The following RPS6KA2 variants were observed in gnomAD, a reference collection of about 807,000 sequenced individuals.
RPS6KA2 encodes the protein ribosomal protein S6 kinase alpha-2.
Under a neutral mutation model 91.8 loss-of-function variants are expected in RPS6KA2, and 42 were observed. That is an observed-to-expected ratio of 0.46 (90% CI 0.36 to 0.59). RPS6KA2 has a LOEUF of 0.59. Among genes scored for constraint, RPS6KA2 ranks in the 20% least tolerant of loss-of-function variants. The pLI, the probability that RPS6KA2 is intolerant of heterozygous loss-of-function variation, is 0.00. For missense variants in RPS6KA2, 798 were observed against 978.5 expected, an observed-to-expected ratio of 0.82 and a Z score of 2.46; for synonymous variants, 414 against 393.6, an observed-to-expected ratio of 1.05 and a Z score of -0.61.
Position 166,469,841 on chromosome 6 carries a change from G to T in RPS6KA2, c.972C>A (p.Asn324Lys). The T allele has an allele frequency of 1.2e-6, 2 of 1,613,812 alleles. No homozygotes were observed. Among genetic ancestry groups the T allele is most frequent in the South Asian group, 1.1e-5 (1 of 91,082 alleles). The change falls in exon 11 of 21, where the codon AAC becomes AAA. Residue 324 changes from asparagine (N) to lysine (K), a missense_variant and splice_region_variant. Transcript: ENST00000265678. The part of the protein sequence containing the change: ...RHPFFVTIDW[N>K]TLYRKEIKPP... ...GTGGGGACTGTGGCATGCAACTTAC[G>T]TTCCAGTCTATGGTCACAAAGAAGG...
chr6:166,620,027 T>G (rs1002720691), intron 1 of RPS6KA2, among the ~76,000 whole-genome samples: 1 of 152,214 alleles, frequency 6.6e-6, no homozygotes, highest in Non-Finnish European at 1.5e-5. Flanking sequence ...TGGCAGGATG[T>G]GTGGCCAAGA....
chr6:166,705,267 C>T (rs1384300839), intron 2 of RPS6KA2, among the ~76,000 whole-genome samples: 1 of 152,220 alleles, frequency 6.6e-6, no homozygotes, highest in Non-Finnish European at 1.5e-5. Context: ...CCCAATCTAT[C>T]ATCATGTCCC....
At chr6:166,819,212 A>G (rs2128622661) in intron 2 of RPS6KA2, among the ~76,000 whole-genome samples, 1 of 152,256 alleles carries the variant, frequency 6.6e-6, no homozygotes, top group African/African-American at 2.4e-5. Flanking sequence ...CTTCCGAGGA[A>G]TTCCATCTAT....
intron 2 of RPS6KA2, among the ~76,000 whole-genome samples, chr6:166,857,482 A>C (rs943342951): frequency 4.6e-5 from 7 of 152,168 alleles, no homozygotes; most frequent in African/African-American, 1.2e-4. Context: ...TGATGGATAC[A>C]CTTATCGTTA....
In RPS6KA2 at chr6:166,767,774, A is replaced by AACACAC. The variant is rs71639661; in HGVS notation, c.123+90420_123+90425dup. 1.1e-3 allele frequency among the ~76,000 whole-genome samples: 167 copies of AACACAC among 146,952 alleles called. 1 individual carries two copies. The highest frequency in any genetic ancestry group is 1.8e-3 in the African/African-American group (70 of 39,890). ...AAGAACTAAAGACAATACCTCCTCAAACACACACACACACACACACACACA... is the reference window on the plus strand; with the variant it reads ...AAGAACTAAAGACAATACCTCCTCAAACACACACACACACACACACACACACACACA... On this transcript the variant is annotated intron_variant, in intron 2 of 21. Transcript: ENST00000503859. This position sits in a 1 kb window ranked among gnomAD's most constrained non-coding sequence, Gnocchi z 4.6.
chr6:166,424,910 C>T, intron 16 of RPS6KA2, among the ~76,000 whole-genome samples: 1 of 152,286 alleles, frequency 6.6e-6, no homozygotes, highest in Non-Finnish European at 1.5e-5. Flanking sequence ...CAGAGTCAGC[C>T]ACCCCAAAAT....
chr6:166,550,738 C>G (rs956925618), intron 1 of RPS6KA2, among the ~76,000 whole-genome samples: 1 of 152,116 alleles, frequency 6.6e-6, no homozygotes, highest in African/African-American at 2.4e-5. Flanking sequence ...CGCGATGGCT[C>G]ACGCCTGTAA....
chr6:166,588,179 C>T (rs1016836637), intron 1 of RPS6KA2, among the ~76,000 whole-genome samples: 31 of 152,124 alleles, frequency 2.0e-4, no homozygotes, highest in Admixed American at 6.5e-5. Flanking sequence ...AGGGCCCTCA[C>T]CCTCCACTGC....
At chr6:166,579,778 C>T (rs1308848951) in intron 1 of RPS6KA2, among the ~76,000 whole-genome samples, 1 of 152,152 alleles carries the variant, frequency 6.6e-6, no homozygotes, top group South Asian at 2.1e-4. Flanking sequence ...TTTCCTTTTT[C>T]TAAGATCTAA....
chr6:166,826,807 G>T (rs954132082), intron 2 of RPS6KA2, among the ~76,000 whole-genome samples: 1 of 152,112 alleles, frequency 6.6e-6, no homozygotes, highest in Admixed American at 6.6e-5. Context: ...ATTATTGAGG[G>T]TACTCTTCAT....
chr6:166,790,466 C>A (rs1779054346), intron 2 of RPS6KA2, among the ~76,000 whole-genome samples: 2 of 152,070 alleles, frequency 1.3e-5, no homozygotes, highest in African/African-American at 4.8e-5. Flanking sequence ...AGAACTTCCC[C>A]AATCTAGCAA....
chr6:166,414,048 G>T, intron 19 of RPS6KA2, 117 bp from the exon 20 acceptor site: 1 of 849,798 alleles, frequency 1.2e-6, no homozygotes, highest in Non-Finnish European at 1.8e-6. Context: ...TATGCTGAGT[G>T]TGGGTCTTTG....
intron 1 of RPS6KA2, among the ~76,000 whole-genome samples, chr6:166,550,051 G>C (rs1005239195): frequency 6.6e-6 from 1 of 152,018 alleles, no homozygotes; most frequent in Non-Finnish European, 1.5e-5. Context: ...AAAAATAAAC[G>C]TCATGTATAT....
chr6:166,836,712 A>G (rs1780326365), intron 2 of RPS6KA2, among the ~76,000 whole-genome samples: 3 of 152,140 alleles, frequency 2.0e-5, no homozygotes, highest in African/African-American at 7.2e-5. Flanking sequence ...TGTTGGTTCT[A>G]GCGTCTGGGC....
chr6:166,758,553 T>C lies in RPS6KA2; in HGVS notation c.123+99647A>G, dbSNP rs913372236. ...AGGTTCAGAGTCAGACCCAGGACACTGGCGGAGTTTCCTTTGTTTACTGGT... is the reference window on the plus strand; with the variant it reads ...AGGTTCAGAGTCAGACCCAGGACACCGGCGGAGTTTCCTTTGTTTACTGGT... On this transcript the variant is annotated intron_variant, in intron 2 of 21. Coordinates refer to the RPS6KA2 transcript ENST00000503859. Among the ~76,000 whole-genome samples the C allele has an allele frequency of 3.3e-5, 5 of 152,322 alleles. No homozygotes were observed. In the East Asian group the frequency reaches 9.6e-4, roughly 29 times the overall value.
At position 166,666,534 on chromosome 6, in the gene RPS6KA2, A is replaced by C. The variant is rs1467395068; in HGVS notation, c.124-127750T>G. On this transcript the variant is annotated intron_variant, in intron 2 of 21. Transcript: ENST00000503859. The surrounding 1 kb of genome is among the most constrained non-coding windows in gnomAD (Gnocchi z 4.0). ...AGTCACTAATCCTTAGGGAAATGCA[A>C]ATCAACACCACAAGCAAATCAACAC... is the stretch of plus-strand genomic sequence containing the variant. 6.6e-6 allele frequency among the ~76,000 whole-genome samples: 1 copy of C among 152,210 alleles called. No individual in the cohort carries two copies. The highest frequency in any genetic ancestry group is 2.4e-5 in the African/African-American group (1 of 41,446).
intron 14 of RPS6KA2, among the ~76,000 whole-genome samples, chr6:166,447,862 C>G (rs1158038860): frequency 6.6e-6 from 1 of 152,152 alleles, no homozygotes; most frequent in Non-Finnish European, 1.5e-5. Flanking sequence ...GCTGGGACCT[C>G]GCTCTGCGAC....
chr6:166,498,787 G>C lies in RPS6KA2; in HGVS notation c.605-137C>G, dbSNP rs991016627. The C allele has an allele frequency of 3.4e-5, 39 of 1,144,800 alleles. No homozygotes were observed. In the Admixed American group the frequency reaches 9.5e-4, roughly 28 times the overall value. The allele number at this position is 1,144,800 out of a possible 1,614,324, so 70.9% of individuals were successfully genotyped here. A position where few individuals can be genotyped will look rare whatever the true frequency, so the allele number is the denominator to read the frequency against. On this transcript the variant is annotated intron_variant, in intron 7 of 20. Transcript: ENST00000265678. ...CGCAGCAGAGCCCTGCTCAGCAAAA[G>C]CGGGACCATGTGAGTGCTTCCCGAA... is the stretch of plus-strand genomic sequence containing the variant.
chr6:166,764,930 G>A (rs1778269981), intron 2 of RPS6KA2, among the ~76,000 whole-genome samples: 1 of 152,234 alleles, frequency 6.6e-6, no homozygotes, highest in Non-Finnish European at 1.5e-5. Flanking sequence ...TGGCAGCCTT[G>A]ACGTTATCTC....
Sources: allele counts gnomAD v4.1 joint callset (sites outside exome capture counted in the v4.1 genomes callset), GRCh38; gene constraint gnomAD v4.1.1; non-coding constraint Gnocchi (gnomAD v3.1); transcripts MANE v1.5; gene names NCBI Gene and HGNC (gene_info 2026-07-23, HGNC 2026-07-21).